Variants in DMD observed in about 807,000 individuals in gnomAD.
The protein encoded by DMD is mutant dystrophin.
A neutral mutation model predicts 330.1 loss-of-function variants in DMD; 63 were observed. The observed-to-expected ratio is 0.19, with a 90% CI of 0.16 to 0.24. The LOEUF is 0.24. DMD is among the 10% of genes least tolerant of loss of function. The probability of loss-of-function intolerance (pLI) is 1.00; values close to 1 mark genes in which losing one functional copy is unlikely to be tolerated. For synonymous variants in DMD, 1,223 were observed against 959.8 expected (o/e 1.27, Z -5.07); for missense variants, 3,344 against 2,684.1 (o/e 1.25, Z -5.43).
intron 44 of DMD, among the ~76,000 whole-genome samples, chrX:32,174,611 T>C (rs1312440415): frequency 8.9e-6 from 1 of 112,444 alleles, no homozygotes; most frequent in African/African-American, 3.2e-5. Context: ...GCCCTTTACG[T>C]TTACATTACA....
At position 32,895,236 on chromosome X, in the gene DMD, T is replaced by A. The variant is rs144799774; in HGVS notation, c.94-45416A>T. Among the ~76,000 whole-genome samples the A allele has an allele frequency of 5.3e-3, 599 of 112,325 alleles. 3 individuals are homozygous for A. Among genetic ancestry groups the A allele is most frequent in the Middle Eastern group, 9.2e-3 (2 of 218 alleles). On this transcript the variant is annotated intron_variant, in intron 2 of 78. Coordinates refer to ENST00000357033, the MANE Select transcript of DMD (RefSeq NM_004006.3). ...ATTTGGGGCAAACACGAATAGTCAGTCCATAACAACAAGTGAAGGACTACA... is the reference window on the plus strand; with the variant it reads ...ATTTGGGGCAAACACGAATAGTCAGACCATAACAACAAGTGAAGGACTACA...
chrX:32,758,716 A>G (rs2071828332), intron 7 of DMD, among the ~76,000 whole-genome samples: 2 of 111,016 alleles, frequency 1.8e-5, no homozygotes, highest in African/African-American at 6.6e-5. Context: ...ACGAGATAAC[A>G]AAGTGTAAGA....
chrX:32,631,611 C>T (rs779882452), intron 11 of DMD, among the ~76,000 whole-genome samples: 4 of 111,500 alleles, frequency 3.6e-5, no homozygotes, highest in Non-Finnish European at 5.6e-5. Context: ...TCTGCTTCTG[C>T]GGAGGCCTCA....
At chrX:32,305,354 G>C (rs990433199) in intron 42 of DMD, among the ~76,000 whole-genome samples, 1 of 111,118 alleles carries the variant, frequency 9.0e-6, no homozygotes. Context: ...CTGAAGAATC[G>C]AAGACTAAAA....
chrX:32,719,766 G>A (rs745592149), intron 7 of DMD, among the ~76,000 whole-genome samples: 2 of 109,646 alleles, frequency 1.8e-5, no homozygotes, highest in South Asian at 3.9e-4. Context: ...TACATTTACT[G>A]TTATCAGTCA....
chrX:31,953,617 G>A (rs1385348443), intron 45 of DMD, among the ~76,000 whole-genome samples: 5 of 111,045 alleles, frequency 4.5e-5, no homozygotes, highest in African/African-American at 6.6e-5. Flanking sequence ...GAGATTTATC[G>A]AGCTACTCAC....
chrX:33,286,279 A>C (rs970106766), intron 1 of DMD, among the ~76,000 whole-genome samples: 3 of 112,092 alleles, frequency 2.7e-5, no homozygotes, highest in Admixed American at 9.5e-5. Context: ...GTTATATCTC[A>C]TTTAAATATC....
intron 1 of DMD, among the ~76,000 whole-genome samples, chrX:33,112,993 T>A (rs1231689838): frequency 9.3e-6 from 1 of 108,005 alleles, no homozygotes; most frequent in African/African-American, 3.4e-5. Flanking sequence ...ATTAATTGCA[T>A]ACAAAAAAGA....
intron 44 of DMD, chrX:32,206,226 C>T (rs2097068269): frequency 3.9e-6 from 2 of 514,982 alleles, no homozygotes; most frequent in Non-Finnish European, 7.1e-6. Context: ...TGTGAGTGGA[C>T]AGCATTTAGT....
chrX:32,081,091 C>T (rs1211235471), intron 44 of DMD, among the ~76,000 whole-genome samples: 1 of 112,203 alleles, frequency 8.9e-6, no homozygotes, highest in African/African-American at 3.2e-5. Flanking sequence ...TTCCACCCAC[C>T]TCTGTATCTT....
chrX:32,898,270 C>A (rs2085914409), intron 2 of DMD, among the ~76,000 whole-genome samples: 1 of 111,615 alleles, frequency 9.0e-6, no homozygotes. Context: ...TCACTTCCTG[C>A]CTCTCTAATA....
chrX:32,862,771 C>CT (rs1158075988), intron 2 of DMD, among the ~76,000 whole-genome samples: 3 of 111,422 alleles, frequency 2.7e-5, no homozygotes, highest in African/African-American at 9.8e-5. Context: ...TGTTGAGACT[C>CT]TGTCACCTTG....
chrX:32,895,683 T>C (rs2085644780), intron 2 of DMD, among the ~76,000 whole-genome samples: 1 of 111,736 alleles, frequency 8.9e-6, no homozygotes, highest in Non-Finnish European at 1.9e-5. Flanking sequence ...CAAGAAACCT[T>C]GAGGCTTCCA....
At chrX:31,470,421 T>C in intron 59 of DMD, among the ~76,000 whole-genome samples, 1 of 111,925 alleles carries the variant, frequency 8.9e-6, no homozygotes, top group East Asian at 2.8e-4. Flanking sequence ...GCAGGTCTGC[T>C]GGAATTTGCT....
At chrX:32,308,906 G>A (rs1282387073) in intron 42 of DMD, among the ~76,000 whole-genome samples, 3 of 111,157 alleles carry the variant, frequency 2.7e-5, no homozygotes, top group African/African-American at 9.8e-5. Flanking sequence ...ATGCTGCCAT[G>A]AGAACTTAGT....
At chrX:32,322,752 A>G (rs1245414839) in intron 41 of DMD, among the ~76,000 whole-genome samples, 1 of 111,407 alleles carries the variant, frequency 9.0e-6, no homozygotes, top group Non-Finnish European at 1.9e-5. Flanking sequence ...TTACACTGGA[A>G]ACAATAGTAG....
At chrX:32,164,361 G>T (rs775861376) in intron 44 of DMD, among the ~76,000 whole-genome samples, 1 of 111,570 alleles carries the variant, frequency 9.0e-6, no homozygotes, top group Non-Finnish European at 1.9e-5. Context: ...ATAGTGATAC[G>T]AACACTGAAG....
At chrX:31,719,029 T>C (rs28699150) in intron 52 of DMD, among the ~76,000 whole-genome samples, 15,481 of 111,315 alleles carry the variant, frequency 0.14, 919 homozygotes, top group Admixed American at 0.31. Flanking sequence ...GTTACTACTA[T>C]ATTACTAAAG....
intron 2 of DMD, among the ~76,000 whole-genome samples, chrX:32,885,122 C>G (rs1032077087): frequency 1.2e-4 from 13 of 111,703 alleles, no homozygotes; most frequent in African/African-American, 3.6e-4. Context: ...CTAATCTGTT[C>G]AGAGTCATAG....
Sources: allele counts gnomAD v4.1 joint callset (sites outside exome capture counted in the v4.1 genomes callset), GRCh38; gene constraint gnomAD v4.1.1; transcripts MANE v1.5; gene names NCBI Gene and HGNC (gene_info 2026-07-23, HGNC 2026-07-21).